Variants in IL6ST observed in about 807,000 individuals in gnomAD.
IL6ST encodes interleukin-6 receptor subunit beta.
In IL6ST, 24 loss-of-function variants were observed where a neutral mutation model predicts 91.3. That is an observed-to-expected ratio of 0.26 (90% confidence interval 0.19 to 0.37). IL6ST has a LOEUF of 0.37. Ranked by LOEUF, IL6ST falls within the 10% of genes least tolerant of loss-of-function variation. The probability of loss-of-function intolerance (pLI) is 1.00; values close to 1 mark genes in which losing one functional copy is unlikely to be tolerated. For synonymous variants in IL6ST, 351 were observed against 373.6 expected, an observed-to-expected ratio of 0.94 and a Z score of 0.70; for missense variants, 914 against 1,078.5, an observed-to-expected ratio of 0.85 and a Z score of 2.14.
intron 15 of IL6ST, among the ~76,000 whole-genome samples, chr5:55,942,959 T>C (rs1751011196): frequency 6.6e-6 from 1 of 152,194 alleles, no homozygotes; most frequent in Non-Finnish European, 1.5e-5. Context: ...TTATAATGTA[T>C]TCATAATGAA....
At chr5:55,958,557 G>T (rs896502655) in intron 8 of IL6ST, among the ~76,000 whole-genome samples, 4 of 152,116 alleles carry the variant, frequency 2.6e-5, no homozygotes, top group African/African-American at 9.7e-5. Context: ...AAGCAGTAAG[G>T]CTGGGTGTGG....
intron 3 of IL6ST, among the ~76,000 whole-genome samples, chr5:55,971,025 T>C (rs993823292): frequency 6.6e-6 from 1 of 152,254 alleles, no homozygotes; most frequent in Non-Finnish European, 1.5e-5. Context: ...TCTCAATCCC[T>C]ATCTCTAGCA....
intron 5 of IL6ST, among the ~76,000 whole-genome samples, chr5:55,965,208 A>C (rs969698651): frequency 6.6e-6 from 1 of 152,156 alleles, no homozygotes; most frequent in Non-Finnish European, 1.5e-5. Flanking sequence ...AACAATCTTA[A>C]AATCATTCTT....
At chr5:55,987,844 C>T (rs1270253914) in intron 1 of IL6ST, among the ~76,000 whole-genome samples, 1 of 152,096 alleles carries the variant, frequency 6.6e-6, no homozygotes, top group African/African-American at 2.4e-5. Context: ...CTATAAGAAA[C>T]CTACAAGGCC....
At chr5:55,943,500 T>C (rs1207458955) in intron 15 of IL6ST, among the ~76,000 whole-genome samples, 1 of 152,090 alleles carries the variant, frequency 6.6e-6, no homozygotes, top group African/African-American at 2.4e-5. Context: ...ACCAGACAGA[T>C]AAGGCACATA....
chr5:55,954,373 T>C (rs1043420016), intron 11 of IL6ST, among the ~76,000 whole-genome samples: 2 of 152,328 alleles, frequency 1.3e-5, no homozygotes, highest in South Asian at 2.1e-4. Context: ...CTACTTCCAA[T>C]TGAAAGACAT....
intron 3 of IL6ST, among the ~76,000 whole-genome samples, chr5:55,970,398 G>C (rs560509056): frequency 2.0e-5 from 3 of 152,288 alleles, no homozygotes; most frequent in South Asian, 4.1e-4. Context: ...AAGAATAAAT[G>C]CATGGCCCTG....
intron 12 of IL6ST, 64 bp from the exon 13 acceptor site, chr5:55,952,139 C>A: frequency 6.5e-7 from 1 of 1,537,880 alleles, no homozygotes. Context: ...ATTTCCTTGT[C>A]ATAAAATCAT....
chr5:55,951,398 A>G, intron 14 of IL6ST, 66 bp downstream of exon 14: 1 of 1,240,998 alleles, frequency 8.1e-7, no homozygotes, highest in East Asian at 2.3e-5. Flanking sequence ...ATTTTAGCAC[A>G]TAAACTAAGT....
intron 15 of IL6ST, 125 bp downstream of exon 15, chr5:55,947,368 A>G (rs971350663): frequency 1.6e-6 from 1 of 644,644 alleles, no homozygotes; most frequent in African/African-American, 1.9e-5. Context: ...GGTGGTAGTT[A>G]TACATCTGTA....
At chr5:55,954,725 G>T in intron 11 of IL6ST, 85 bp downstream of exon 11, 2 of 1,014,428 alleles carry the variant, frequency 2.0e-6, no homozygotes, top group Non-Finnish European at 2.9e-6. Context: ...TCGTTTCAAC[G>T]GACCAAAACA....
At chr5:55,984,253 T>C (rs192648780) in intron 1 of IL6ST, among the ~76,000 whole-genome samples, 42 of 152,364 alleles carry the variant, frequency 2.8e-4, no homozygotes, top group Admixed American at 2.2e-3. Context: ...GGGCTATAGT[T>C]TGCCAACCCC....
At chr5:55,982,946 C>T (rs1035303232) in intron 1 of IL6ST, 135 bp from the exon 2 acceptor site, 7 of 354,798 alleles carry the variant, frequency 2.0e-5, no homozygotes, top group South Asian at 3.0e-4. Context: ...TTCTGAGCTT[C>T]AGAATAAAAT....
At chr5:55,945,039 T>TAAAAAAAAAAAAAAAAAA (rs1751155987) in intron 15 of IL6ST, among the ~76,000 whole-genome samples, 1 of 67,814 alleles carries the variant, frequency 1.5e-5, no homozygotes, top group African/African-American at 1.1e-4. Flanking sequence ...AGGAATTAAA[T>TAAAAAAAAAAAAAAAAAA]CAAAAAAAAA....
Position 55,935,918 on chromosome 5 carries a change from C to T in IL6ST, c.*5164G>A. ...ATACACATTAGGATAAGATGAGCCA[C>T]CACACCTTAAAGAAATCAGGCTTGA... On this transcript the variant is annotated 3_prime_UTR_variant, in exon 17 of 17. Transcript: ENST00000381298. 4.6e-6 allele frequency: 1 copy of T among 219,468 alleles called. No individual in the cohort carries two copies. The highest frequency in any genetic ancestry group is 9.1e-6 in the Non-Finnish European group (1 of 109,480). The allele number at this position is 219,468 out of a possible 1,614,324, so 13.6% of individuals were successfully genotyped here.
chr5:55,946,007 A>G (rs946557508), intron 15 of IL6ST, among the ~76,000 whole-genome samples: 2 of 152,192 alleles, frequency 1.3e-5, no homozygotes, highest in Non-Finnish European at 2.9e-5. Flanking sequence ...TGCAAAACGT[A>G]TTTAACAATG....
chr5:55,957,426 A>G lies in IL6ST; in HGVS notation c.974-135T>C. On this transcript the variant is annotated intron_variant, in intron 8 of 16. Transcript: ENST00000381298. The stretch of plus-strand genomic sequence containing the variant: ...GGTGTCTCTACCTCTTTATACCAGC[A>G]TTTTCCCAACCCAGCACAAAACACC... 4 of 477,228 alleles carry G rather than the reference A, an allele frequency of 8.4e-6. No homozygotes were observed. The South Asian group carries it at 1.6e-4, about 19-fold the overall frequency. The allele number at this position is 477,228 out of a possible 1,614,324, so 29.6% of individuals were successfully genotyped here.
intron 2 of IL6ST, among the ~76,000 whole-genome samples, chr5:55,977,273 T>C (rs1467226883): frequency 6.6e-6 from 1 of 152,104 alleles, no homozygotes; most frequent in African/African-American, 2.4e-5. Context: ...CTTTTTTTTT[T>C]TAAGAGATGG....
intron 7 of IL6ST, among the ~76,000 whole-genome samples, chr5:55,962,033 T>A (rs1191445556): frequency 6.6e-6 from 1 of 152,156 alleles, no homozygotes; most frequent in African/African-American, 2.4e-5. Flanking sequence ...TAAACTTGGC[T>A]TTCAGAAAAA....
Sources: allele counts gnomAD v4.1 joint callset (sites outside exome capture counted in the v4.1 genomes callset), GRCh38; gene constraint gnomAD v4.1.1; transcripts MANE v1.5; gene names NCBI Gene and HGNC (gene_info 2026-07-23, HGNC 2026-07-21).